The following MEGF11 variants were observed in gnomAD, a reference collection of about 807,000 sequenced individuals.
The protein encoded by MEGF11 is multiple epidermal growth factor-like domains protein 11.
Under a neutral mutation model 146.6 loss-of-function variants are expected in MEGF11, and 126 were observed. The observed-to-expected ratio is 0.86, with a 90% CI of 0.74 to 1.00. The LOEUF (loss-of-function observed/expected upper bound fraction) is 1.00, where lower values mean the gene tolerates loss of function less well. Among genes scored for constraint, MEGF11 ranks in the 50% least tolerant of loss-of-function variants. The pLI is 0.00. For missense variants in MEGF11, 1,509 were observed against 1,521.2 expected (o/e 0.99, Z 0.13); for synonymous variants, 532 against 583.4 (o/e 0.91, Z 1.27).
intron 1 of MEGF11, among the ~76,000 whole-genome samples, chr15:66,160,763 G>A (rs1285094702): frequency 6.6e-6 from 1 of 151,680 alleles, no homozygotes; most frequent in Non-Finnish European, 1.5e-5. Context: ...GGAGGAAGAG[G>A]TGATTAAGAA....
At chr15:66,149,986 G>A (rs1428637747) in intron 1 of MEGF11, among the ~76,000 whole-genome samples, 1 of 152,234 alleles carries the variant, frequency 6.6e-6, no homozygotes, top group East Asian at 1.9e-4. Flanking sequence ...GTGCCTGCTG[G>A]ACCCCTCGAG....
chr15:66,245,781 C>G (rs1173566285), intron 1 of MEGF11, among the ~76,000 whole-genome samples: 1 of 152,136 alleles, frequency 6.6e-6, no homozygotes, highest in Admixed American at 6.5e-5. Context: ...TTTATAAAAA[C>G]TATCCCATTT....
chr15:66,037,957 C>T (rs187914226), intron 5 of MEGF11, among the ~76,000 whole-genome samples: 160 of 152,318 alleles, frequency 1.1e-3, no homozygotes, highest in South Asian at 4.1e-3. Context: ...GAATAATTAA[C>T]AGGAAATGTA....
At chr15:66,054,909 A>C (rs915874865) in intron 5 of MEGF11, among the ~76,000 whole-genome samples, 2 of 152,208 alleles carry the variant, frequency 1.3e-5, no homozygotes, top group Non-Finnish European at 2.9e-5. Context: ...AAAGGGAAGA[A>C]GGGAATAGTC....
chr15:65,904,088 A>G (rs371117116), intron 24 of MEGF11, among the ~76,000 whole-genome samples: 1 of 152,224 alleles, frequency 6.6e-6, no homozygotes, highest in South Asian at 2.1e-4. Flanking sequence ...TTTTACATGT[A>G]TGATTGCGAA....
chr15:66,239,449 C>T (rs2092162679), intron 1 of MEGF11, among the ~76,000 whole-genome samples: 2 of 152,230 alleles, frequency 1.3e-5, no homozygotes, highest in South Asian at 2.1e-4. Flanking sequence ...GCCCAGACTC[C>T]AGCACCTGGC....
chr15:65,963,378 G>T, intron 9 of MEGF11, among the ~76,000 whole-genome samples: 1 of 151,162 alleles, frequency 6.6e-6, no homozygotes, highest in East Asian at 1.9e-4. Context: ...AGTTACTTGG[G>T]CACATGTTGG....
At chr15:66,015,743 A>G (rs1596991966) in intron 5 of MEGF11, among the ~76,000 whole-genome samples, 1 of 152,250 alleles carries the variant, frequency 6.6e-6, no homozygotes, top group East Asian at 1.9e-4. Context: ...TTATTCATCC[A>G]ATAGACAGCG....
chr15:66,094,365 G>A (rs2086446620), intron 5 of MEGF11, 37 bp downstream of exon 5: 1 of 1,525,036 alleles, frequency 6.6e-7, no homozygotes, highest in African/African-American at 1.4e-5. Context: ...CCAAGTCAGA[G>A]CCAGGGTGCC....
intron 10 of MEGF11, among the ~76,000 whole-genome samples, chr15:65,939,152 C>G (rs2079890607): frequency 6.6e-6 from 1 of 152,184 alleles, no homozygotes; most frequent in Non-Finnish European, 1.5e-5. Flanking sequence ...ACTGAGTTCT[C>G]TAGATACAGG....
At chr15:66,068,599 C>G (rs1344624834) in intron 5 of MEGF11, among the ~76,000 whole-genome samples, 2 of 152,180 alleles carry the variant, frequency 1.3e-5, no homozygotes, top group African/African-American at 4.8e-5. Flanking sequence ...GATTCAACCC[C>G]AGGGGTCCCA....
At chr15:66,052,130 C>T (rs972705085) in intron 5 of MEGF11, among the ~76,000 whole-genome samples, 6 of 152,290 alleles carry the variant, frequency 3.9e-5, no homozygotes, top group South Asian at 2.1e-4. Context: ...TTCCCATTAA[C>T]GCTGCTCCTC....
intron 5 of MEGF11, among the ~76,000 whole-genome samples, chr15:66,054,181 T>C (rs968864565): frequency 6.6e-6 from 1 of 152,164 alleles, no homozygotes; most frequent in Non-Finnish European, 1.5e-5. Flanking sequence ...CCCTGTCTCC[T>C]AAGTGCCTGC....
intron 1 of MEGF11, among the ~76,000 whole-genome samples, chr15:66,231,595 A>T (rs1200758913): frequency 6.6e-6 from 1 of 152,144 alleles, no homozygotes; most frequent in Non-Finnish European, 1.5e-5. Flanking sequence ...CTCCTGAGTC[A>T]TGAACTGAGC....
Position 65,909,740 on chromosome 15 carries a change from C to T in MEGF11, c.2896G>A (p.Asp966Asn), listed in dbSNP as rs896292046. 4 of 1,575,428 alleles carry T rather than the reference C, an allele frequency of 2.5e-6. No individual in the cohort carries two copies. The highest frequency in any genetic ancestry group is 1.1e-5 in the South Asian group (1 of 87,696). Residue 966 changes from aspartate (D) to asparagine (N), a missense_variant and splice_region_variant, in exon 22 of 26, where the codon GAC becomes AAC. Physicochemically the swap from Asp to Asn is conservative, Grantham distance 23 (BLOSUM62 1). Transcript: ENST00000395614. ...GGACCAGACTCACACCACTACTGAC[C>T]TAACACGTTCACATAGCTGTAGGGG... ...WTPYSYVNVL[D>N]SHFQISALEA... is the part of the protein sequence containing the mutation.
chr15:65,908,056 AT>A (rs2141169170), intron 23 of MEGF11, among the ~76,000 whole-genome samples: 1 of 152,114 alleles, frequency 6.6e-6, no homozygotes, highest in South Asian at 2.1e-4. Flanking sequence ...AATGGGAGAG[AT>A]TGTAGTTGGT....
intron 4 of MEGF11, among the ~76,000 whole-genome samples, chr15:66,117,719 C>A (rs2087800722): frequency 6.6e-6 from 1 of 151,702 alleles, no homozygotes; most frequent in African/African-American, 2.4e-5. Flanking sequence ...AGCAGGAAAG[C>A]CTTAGTACTG....
At chr15:66,031,850 G>A (rs2083533145) in intron 5 of MEGF11, among the ~76,000 whole-genome samples, 2 of 152,322 alleles carry the variant, frequency 1.3e-5, no homozygotes, top group South Asian at 4.1e-4. Context: ...TACAGGAATG[G>A]GTTCATTATC....
intron 24 of MEGF11, 88 bp downstream of exon 24, chr15:65,905,997 T>C (rs1372505682): frequency 8.8e-7 from 1 of 1,130,450 alleles, no homozygotes; most frequent in African/African-American, 1.5e-5. Context: ...ACACAGTTTG[T>C]CTCAAGTGGA....
Sources: allele counts gnomAD v4.1 joint callset (sites outside exome capture counted in the v4.1 genomes callset), GRCh38; gene constraint gnomAD v4.1.1; transcripts MANE v1.5; gene names NCBI Gene and HGNC (gene_info 2026-07-23, HGNC 2026-07-21).